RTTN: variants seen among roughly 807,000 people sequenced by gnomAD.
RTTN encodes rotatin.
Under a neutral mutation model 269.2 loss-of-function variants are expected in RTTN, and 182 were observed. The ratio of observed to expected loss-of-function variants is 0.68; its 90% CI spans 0.60 to 0.76. The LOEUF (loss-of-function observed/expected upper bound fraction) is 0.76. Among genes scored for constraint, RTTN ranks in the 30% least tolerant of loss-of-function variants. The probability of loss-of-function intolerance (pLI) is 0.00; values close to 1 mark genes in which losing one functional copy is unlikely to be tolerated. For missense variants in RTTN, 2,545 were observed against 2,608.6 expected, an observed-to-expected ratio of 0.98 and a Z score of 0.53; for synonymous variants, 1,006 against 963.5, an observed-to-expected ratio of 1.04 and a Z score of -0.82.
intron 37 of RTTN, among the ~76,000 whole-genome samples, chr18:70,055,283 ATCAG>A (rs2057784849): frequency 6.6e-6 from 1 of 152,098 alleles, no homozygotes; most frequent in African/African-American, 2.4e-5. Flanking sequence ...ATATTCTGAA[ATCAG>A]TCATTCTCTC....
chr18:70,158,629 C>T (rs2060747110), intron 14 of RTTN, among the ~76,000 whole-genome samples: 3 of 152,134 alleles, frequency 2.0e-5, no homozygotes, highest in Non-Finnish European at 4.4e-5. Context: ...GCTAAACACC[C>T]CACTTAAAAA....
At chr18:70,052,348 T>A (rs59583017) in intron 38 of RTTN, among the ~76,000 whole-genome samples, 5,962 of 152,272 alleles carry the variant, frequency 0.039, 212 homozygotes, top group African/African-American at 0.095. Context: ...TCAACCCTTT[T>A]GTCATTAGTG....
At chr18:70,115,853 A>G (rs899351126) in intron 26 of RTTN, among the ~76,000 whole-genome samples, 1 of 152,018 alleles carries the variant, frequency 6.6e-6, no homozygotes, top group Admixed American at 6.6e-5. Context: ...GAAAATATGT[A>G]AAGAAACCTC....
chr18:70,052,732 AATC>A (rs2144823053), intron 38 of RTTN, among the ~76,000 whole-genome samples: 1 of 151,190 alleles, frequency 6.6e-6, no homozygotes, highest in African/African-American at 2.4e-5. Context: ...ATTCTTATAA[AATC>A]ATTTAAAACT....
chr18:70,080,775 A>T (rs1402637734), intron 32 of RTTN, among the ~76,000 whole-genome samples: 1 of 152,214 alleles, frequency 6.6e-6, no homozygotes, highest in Non-Finnish European at 1.5e-5. Flanking sequence ...CAGCAATCCC[A>T]CTACTGGGTA....
At position 70,139,958 on chromosome 18, in the gene RTTN, T is replaced by A. The variant is rs563660780; in HGVS notation, c.2670+142A>T. 1,712 of 534,384 alleles carry A rather than the reference T, an allele frequency of 3.2e-3. 1 individual carries two copies. The highest frequency in any genetic ancestry group is 3.9e-3 in the Non-Finnish European group (1,201 of 307,768). 33.1% of individuals were successfully genotyped at this position (534,384 alleles called of 1,614,324 possible). ...TTATAGAGACTCCACTTTTCGAATT[T>A]AAAAAAAAAAAATGAATGAGATAGG... On this transcript the variant is annotated intron_variant, in intron 20 of 48. Transcript: ENST00000640769.
chr18:70,180,268 G>A (rs1027559070), intron 10 of RTTN, among the ~76,000 whole-genome samples: 1 of 152,050 alleles, frequency 6.6e-6, no homozygotes, highest in Non-Finnish European at 1.5e-5. Flanking sequence ...GCCAAGGCAG[G>A]AGGATCACTT....
At chr18:70,149,577 T>C (rs2060485630) in intron 16 of RTTN, among the ~76,000 whole-genome samples, 1 of 151,826 alleles carries the variant, frequency 6.6e-6, no homozygotes, top group African/African-American at 2.4e-5. Flanking sequence ...AGGAGCATGT[T>C]AATTACGGTA....
chr18:70,165,090 T>C (rs2145898604), intron 14 of RTTN, among the ~76,000 whole-genome samples: 1 of 152,202 alleles, frequency 6.6e-6, no homozygotes, highest in South Asian at 2.1e-4. Flanking sequence ...CATGACATTT[T>C]CAAACGTATG....
chr18:70,059,678 A>G (rs547493506), intron 36 of RTTN, among the ~76,000 whole-genome samples, 172 bp downstream of exon 36: 1 of 152,200 alleles, frequency 6.6e-6, no homozygotes, highest in Non-Finnish European at 1.5e-5. Flanking sequence ...ATAGATGTAA[A>G]ATAAAAACCA....
intron 28 of RTTN, among the ~76,000 whole-genome samples, chr18:70,107,871 A>G (rs2145422999): frequency 6.6e-6 from 1 of 152,366 alleles, no homozygotes; most frequent in East Asian, 1.9e-4. Flanking sequence ...ATACCTTCAC[A>G]GTAACAAATT....
At chr18:70,107,987 A>G (rs1483798094) in intron 28 of RTTN, among the ~76,000 whole-genome samples, 1 of 152,244 alleles carries the variant, frequency 6.6e-6, no homozygotes, top group African/African-American at 2.4e-5. Context: ...TTAAAAAGTC[A>G]TTTCAGGCCA....
chr18:70,092,209 T>A lies in RTTN; in HGVS notation c.4044A>T (p.Ser1348=). Residue 1348 remains serine, a synonymous_variant, in exon 30 of 49, where the codon TCA becomes TCT. Transcript: ENST00000640769. The part of the protein sequence containing the change: ...MAQAGSLEWM[S]LWFLPLGSHS... ...GACTACCCAAAGGCAAGAACCAAAG[T>A]GACATCCACTCCTAGAGGGAAAAAA... 1.3e-6 allele frequency: 2 copies of A among 1,598,180 alleles called. No homozygotes were observed. Among genetic ancestry groups the A allele is most frequent in the Non-Finnish European group, 1.7e-6 (2 of 1,165,858 alleles).
At chr18:70,059,371 G>A (rs765496743) in intron 36 of RTTN, among the ~76,000 whole-genome samples, 2 of 152,024 alleles carry the variant, frequency 1.3e-5, no homozygotes, top group Non-Finnish European at 2.9e-5. Flanking sequence ...ATTTTTCTTT[G>A]AATTTAATTT....
chr18:70,018,032 T>C lies in RTTN; in HGVS notation c.6154-358A>G, dbSNP rs1163777622. ...GATTTTGCTATTAAAAGCTACCCTATGGAAGGAAAAAAGGCAAAAATCCAA... is the reference window on the plus strand; with the variant it reads ...GATTTTGCTATTAAAAGCTACCCTACGGAAGGAAAAAAGGCAAAAATCCAA... On this transcript the variant is annotated intron_variant, in intron 45 of 48. Transcript: ENST00000640769. Among the ~76,000 whole-genome samples, 9 of 152,166 alleles carry C rather than the reference T, an allele frequency of 5.9e-5. No individual in the cohort carries two copies. In the East Asian group the frequency reaches 9.6e-4, roughly 16 times the overall value.
rs1444780436 is a variant in RTTN, at chr18:70,061,515, C to CACAT, written c.4748-1477_4748-1474dup. The CACAT allele has an allele frequency of 9.4e-6, 4 of 423,930 alleles. No homozygotes were observed. In the East Asian group the frequency reaches 2.9e-4, roughly 31 times the overall value. 26.3% of individuals were successfully genotyped at this position (423,930 alleles called of 1,614,324 possible). A position where few individuals can be genotyped will look rare whatever the true frequency, so the allele number is the denominator to read the frequency against. On this transcript the variant is annotated intron_variant, in intron 35 of 48. Coordinates refer to ENST00000640769, the MANE Select transcript of RTTN (RefSeq NM_173630.4). ...ACGTGTGTGTATATACGTATGCATG[C>CACAT]ACATACATACCCCTGGGCACATAAA...
chr18:70,092,048 T>C (rs2058861354), intron 30 of RTTN, 62 bp downstream of exon 30: 1 of 1,053,784 alleles, frequency 9.5e-7, no homozygotes, highest in Non-Finnish European at 1.5e-6. Context: ...CCACCGCACC[T>C]GGCCCCGTGT....
At chr18:70,164,808 T>G (rs1196976923) in intron 14 of RTTN, among the ~76,000 whole-genome samples, 1 of 152,114 alleles carries the variant, frequency 6.6e-6, no homozygotes, top group Non-Finnish European at 1.5e-5. Flanking sequence ...GATGGAGTGT[T>G]CAAAGCGAAA....
chr18:70,087,782 G>A (rs1428755209), intron 31 of RTTN, among the ~76,000 whole-genome samples: 3 of 152,060 alleles, frequency 2.0e-5, no homozygotes, highest in East Asian at 3.9e-4. Context: ...AGTATATTCC[G>A]ATTTTATCTT....
Sources: allele counts gnomAD v4.1 joint callset (sites outside exome capture counted in the v4.1 genomes callset), GRCh38; gene constraint gnomAD v4.1.1; transcripts MANE v1.5; gene names NCBI Gene and HGNC (gene_info 2026-07-23, HGNC 2026-07-21).